CTNNA2: variants seen among roughly 807,000 people sequenced by gnomAD.
CTNNA2 encodes catenin alpha-2.
Under a neutral mutation model 101.0 loss-of-function variants are expected in CTNNA2, and 42 were observed. That is an observed-to-expected ratio of 0.42 (90% CI 0.32 to 0.54). CTNNA2 has a LOEUF of 0.54. Among genes scored for constraint, CTNNA2 ranks in the 20% least tolerant of loss-of-function variants. The pLI is 0.14. For synonymous variants in CTNNA2, 450 were observed against 456.4 expected (o/e 0.99, Z 0.18); for missense variants, 871 against 1,223.1 (o/e 0.71, Z 4.29).
chr2:80,573,934 G>T (rs769577049), intron 12 of CTNNA2, among the ~76,000 whole-genome samples: 1 of 152,194 alleles, frequency 6.6e-6, no homozygotes, highest in African/African-American at 2.4e-5. Flanking sequence ...TTTGTCTTTT[G>T]CAAACCATCA....
chr2:79,623,141 G>A (rs911288240), intron 1 of CTNNA2, among the ~76,000 whole-genome samples: 11 of 152,122 alleles, frequency 7.2e-5, no homozygotes, highest in Admixed American at 6.5e-5. Context: ...TTTTGTTGTT[G>A]TTACAGTGAA....
At chr2:80,605,337 C>T (rs1225271264) in intron 16 of CTNNA2, 1 of 151,838 alleles carries the variant, frequency 6.6e-6, no homozygotes, top group Non-Finnish European at 1.5e-5. Flanking sequence ...ACAGTTTGAA[C>T]CACTTTGGAT....
At chr2:80,408,382 C>T (rs530141212) in intron 8 of CTNNA2, among the ~76,000 whole-genome samples, 38 of 152,278 alleles carry the variant, frequency 2.5e-4, no homozygotes, top group African/African-American at 9.1e-4. Flanking sequence ...TTGCTTCATG[C>T]TCTTTAACCA....
rs1681588470 is a variant in CTNNA2, at chr2:79,861,088, A to G, written c.465+2909A>G. Reference sequence around the variant, plus strand: ...TTCTTTACCACCTGGATGATAAAACATAGATGAGAAAGAAAAGAGTGACAG... The same window carrying G: ...TTCTTTACCACCTGGATGATAAAACGTAGATGAGAAAGAAAAGAGTGACAG... On this transcript the variant is annotated intron_variant, in intron 4 of 18. Coordinates refer to ENST00000402739, the MANE Select transcript of CTNNA2 (RefSeq NM_001282597.3). 2.6e-5 allele frequency among the ~76,000 whole-genome samples: 4 copies of G among 152,310 alleles called. No homozygotes were observed. In the South Asian group the frequency reaches 6.2e-4, roughly 24 times the overall value.
At chr2:80,090,527 G>A (rs910362230) in intron 7 of CTNNA2, among the ~76,000 whole-genome samples, 3 of 152,028 alleles carry the variant, frequency 2.0e-5, no homozygotes, top group African/African-American at 7.2e-5. Context: ...GCATGAGGAC[G>A]CTTGTGAAAT....
chr2:80,009,316 C>T (rs1558724410), intron 7 of CTNNA2, among the ~76,000 whole-genome samples: 3 of 152,180 alleles, frequency 2.0e-5, no homozygotes, highest in African/African-American at 7.2e-5. Context: ...TTCTCTCCCC[C>T]AACATCATTT....
chr2:80,249,374 T>C (rs1342378160), intron 7 of CTNNA2, among the ~76,000 whole-genome samples: 4 of 152,200 alleles, frequency 2.6e-5, no homozygotes, highest in African/African-American at 9.7e-5. Flanking sequence ...CTTACTTCCC[T>C]TCCAAGCTTT....
At chr2:80,625,819 G>A (rs539738445) in intron 18 of CTNNA2, among the ~76,000 whole-genome samples, 14 of 151,886 alleles carry the variant, frequency 9.2e-5, no homozygotes, top group Admixed American at 3.9e-4. Flanking sequence ...GCTAGATTTC[G>A]AAATGCACTG....
At chr2:79,755,648 T>C (rs1014296364) in intron 3 of CTNNA2, among the ~76,000 whole-genome samples, 3 of 152,196 alleles carry the variant, frequency 2.0e-5, no homozygotes, top group Non-Finnish European at 4.4e-5. Context: ...AGATTCAGTA[T>C]GTCTGGGGTG....
intron 1 of CTNNA2, chr2:79,523,194 G>A (rs1275371728): frequency 5.0e-6 from 2 of 398,766 alleles, no homozygotes; most frequent in African/African-American, 2.1e-5. Context: ...TTCAATTTTT[G>A]GCTGTCTACA....
At chr2:79,205,594 C>G (rs1458201004) in intron 2 of CTNNA2, among the ~76,000 whole-genome samples, 3 of 152,202 alleles carry the variant, frequency 2.0e-5, no homozygotes, top group African/African-American at 4.8e-5. Flanking sequence ...TATAAGAGCT[C>G]ATTACAGTAA....
chr2:79,256,414 C>A (rs2104280020), intron 2 of CTNNA2, among the ~76,000 whole-genome samples: 1 of 152,302 alleles, frequency 6.6e-6, no homozygotes, highest in South Asian at 2.1e-4. Context: ...TCTCCAGTGC[C>A]TGACTCATAG....
chr2:79,335,333 T>C (rs1562886), intron 3 of CTNNA2, among the ~76,000 whole-genome samples: 138,030 of 152,202 alleles, frequency 0.91, 62,816 homozygotes, highest in East Asian at 1. Context: ...ATACCAAGAC[T>C]CAGAGGGGGA....
intron 6 of CTNNA2, among the ~76,000 whole-genome samples, chr2:79,878,980 C>T (rs558145342): frequency 2.0e-5 from 3 of 152,278 alleles, no homozygotes; most frequent in African/African-American, 2.4e-5. Flanking sequence ...TTTAATACAT[C>T]TTGAGTTAGT....
At chr2:80,099,167 A>G (rs374840237) in intron 7 of CTNNA2, among the ~76,000 whole-genome samples, 10 of 151,938 alleles carry the variant, frequency 6.6e-5, no homozygotes, top group African/African-American at 1.9e-4. Flanking sequence ...AATTGTTTCA[A>G]TTCTTATGGT....
chr2:79,313,957 T>C (rs1470370122), intron 3 of CTNNA2, among the ~76,000 whole-genome samples: 1 of 152,118 alleles, frequency 6.6e-6, no homozygotes, highest in Non-Finnish European at 1.5e-5. Context: ...TCAGAGCCTC[T>C]CTCACATGGG....
chr2:79,421,883 A>G (rs928289662), intron 4 of CTNNA2, among the ~76,000 whole-genome samples: 10 of 152,268 alleles, frequency 6.6e-5, no homozygotes, highest in African/African-American at 2.2e-4. Context: ...TACTCTAGCA[A>G]TCAGATTGGG....
At chr2:80,019,471 G>C (rs966137854) in intron 7 of CTNNA2, among the ~76,000 whole-genome samples, 26 of 152,174 alleles carry the variant, frequency 1.7e-4, no homozygotes, top group African/African-American at 6.3e-4. Flanking sequence ...AAAGCATACA[G>C]CATTTGCTAG....
intron 15 of CTNNA2, among the ~76,000 whole-genome samples, chr2:80,591,714 G>T (rs1010708980): frequency 2.0e-5 from 3 of 151,940 alleles, no homozygotes; most frequent in Admixed American, 6.6e-5. Context: ...TGTGTAAAGG[G>T]CATGTGGGTA....
Sources: gnomAD v4.1 joint callset for allele counts (sites outside exome capture counted in the v4.1 genomes callset) on GRCh38, gnomAD v4.1.1 for gene constraint, MANE v1.5 for transcripts, NCBI Gene and HGNC (gene_info 2026-07-23, HGNC 2026-07-21) for gene names.